Variants in ATG16L1 observed in about 807,000 individuals in gnomAD.
ATG16L1 encodes autophagy-related protein 16-1.
A neutral mutation model predicts 88.5 loss-of-function variants in ATG16L1; 37 were observed. The ratio of observed to expected loss-of-function variants is 0.42; its 90% CI spans 0.32 to 0.55. The LOEUF is 0.55. Ranked by LOEUF, ATG16L1 falls within the 20% of genes least tolerant of loss-of-function variation. The pLI is 0.13. For missense variants in ATG16L1, 554 were observed against 752.8 expected, an observed-to-expected ratio of 0.74 and a Z score of 3.09; for synonymous variants, 301 against 281.0, an observed-to-expected ratio of 1.07 and a Z score of -0.71.
intron 3 of ATG16L1, among the ~76,000 whole-genome samples, chr2:233,263,736 A>G (rs1262149461): frequency 2.6e-5 from 4 of 152,216 alleles, no homozygotes; most frequent in Non-Finnish European, 5.9e-5. Context: ...CCAAAAAGGT[A>G]GCTGAAGTTG....
intron 2 of ATG16L1, 31 bp downstream of exon 2, chr2:233,256,226 T>C (rs1696767129): frequency 6.4e-7 from 1 of 1,564,510 alleles, no homozygotes; most frequent in East Asian, 2.2e-5. Flanking sequence ...ATTATTTATG[T>C]CTCCTCTAAG....
Position 233,263,160 on chromosome 2 carries a change from T to C in ATG16L1, c.240T>C (p.Asn80=). 6.2e-7 allele frequency: 1 copy of C among 1,613,864 alleles called. No individual in the cohort carries two copies. Among genetic ancestry groups the C allele is most frequent in the Non-Finnish European group, 8.5e-7 (1 of 1,179,958 alleles). The change falls in exon 3 of 18, where the codon AAT becomes AAC. Residue 80 remains asparagine, a synonymous_variant. Coordinates refer to ENST00000392017, the MANE Select transcript of ATG16L1 (RefSeq NM_030803.7). ...GACATGATGGCACATGGAATGACAA[T>C]CAGCTACAAGAAATGGCCCAACTGA... ...SPGHDGTWND[N]QLQEMAQLRI...
intron 12 of ATG16L1, among the ~76,000 whole-genome samples, chr2:233,289,520 G>C (rs1699316550): frequency 6.6e-6 from 1 of 151,906 alleles, no homozygotes; most frequent in South Asian, 2.1e-4. Flanking sequence ...CAAGTAGCTG[G>C]GACCCCAGGC....
chr2:233,277,494 A>G (rs1698450545), intron 9 of ATG16L1, 74 bp from the exon 10 acceptor site: 2 of 1,370,878 alleles, frequency 1.5e-6, no homozygotes, highest in South Asian at 2.3e-5. Context: ...TGAATTAGGC[A>G]TTTGGAGTGT....
At chr2:233,288,719 C>G in intron 12 of ATG16L1, 1 of 516,060 alleles carries the variant, frequency 1.9e-6, no homozygotes, top group Non-Finnish European at 3.9e-6. Context: ...CAGATCCCCT[C>G]CCGGCATCCC....
intron 6 of ATG16L1, among the ~76,000 whole-genome samples, chr2:233,270,968 G>A (rs1395063346): frequency 5.3e-5 from 8 of 152,174 alleles, no homozygotes; most frequent in East Asian, 1.9e-4. Flanking sequence ...ACCAACTAAC[G>A]TCTTAATTTA....
At chr2:233,275,563 G>C (rs554412820) in intron 9 of ATG16L1, 14 of 376,478 alleles carry the variant, frequency 3.7e-5, no homozygotes, top group South Asian at 2.8e-4. Flanking sequence ...CAGGTATAAG[G>C]AGGGACTTAG....
At chr2:233,285,627 T>C (rs1192013708) in intron 12 of ATG16L1, among the ~76,000 whole-genome samples, 1 of 152,184 alleles carries the variant, frequency 6.6e-6, no homozygotes, top group Non-Finnish European at 1.5e-5. Flanking sequence ...GTGTGAAGAT[T>C]GGGAGGCCTG....
rs1249766516 is a variant in ATG16L1 at position 233,295,483 on chromosome 2, G to A, written c.*1133G>A. 4 of 152,700 alleles carry A rather than the reference G, an allele frequency of 2.6e-5. No homozygotes were observed. The allele number at this position is 152,700 out of a possible 1,614,324, so 9.5% of individuals were successfully genotyped here. On this transcript the variant is annotated 3_prime_UTR_variant, in exon 18 of 18. Transcript: ENST00000392017. ...GGAGTCAGGTGGCCTTCCCACCGATGGTCCTGGCCTCCACCTGCCCTCTCT... is the reference window on the plus strand; with the variant it reads ...GGAGTCAGGTGGCCTTCCCACCGATAGTCCTGGCCTCCACCTGCCCTCTCT...
chr2:233,257,539 T>A (rs185916843), intron 2 of ATG16L1, among the ~76,000 whole-genome samples: 3 of 152,352 alleles, frequency 2.0e-5, no homozygotes, highest in African/African-American at 7.2e-5. Context: ...CCTATGATAC[T>A]CAGTAGGTGA....
intron 1 of ATG16L1, among the ~76,000 whole-genome samples, chr2:233,255,163 G>A (rs1696688785): frequency 6.6e-6 from 1 of 151,954 alleles, no homozygotes; most frequent in African/African-American, 2.4e-5. Context: ...TAGTAGTTTC[G>A]CCGTGTTGGC....
intron 7 of ATG16L1, 23 bp downstream of exon 7, chr2:233,273,075 G>C: frequency 6.3e-7 from 1 of 1,598,282 alleles, no homozygotes; most frequent in Non-Finnish European, 8.6e-7. Context: ...GTTTGGGCCA[G>C]GGAAAAGACA....
chr2:233,293,725 T>C (rs1203559770), intron 17 of ATG16L1, among the ~76,000 whole-genome samples: 1 of 152,176 alleles, frequency 6.6e-6, no homozygotes, highest in Non-Finnish European at 1.5e-5. Context: ...TTTCAGTGCA[T>C]TGACGTGTCC....
intron 2 of ATG16L1, among the ~76,000 whole-genome samples, chr2:233,260,105 G>A (rs1403666062): frequency 6.6e-6 from 1 of 152,120 alleles, no homozygotes; most frequent in Admixed American, 6.6e-5. Flanking sequence ...CCTCCTTCCT[G>A]TCTCTCCAAA....
intron 1 of ATG16L1, among the ~76,000 whole-genome samples, chr2:233,255,423 C>G (rs1696710366): frequency 6.6e-6 from 1 of 152,226 alleles, no homozygotes; most frequent in Admixed American, 6.5e-5. Flanking sequence ...ATCCTCCGCC[C>G]AGTTGCTTGA....
chr2:233,259,930 T>C, intron 2 of ATG16L1, among the ~76,000 whole-genome samples: 1 of 152,198 alleles, frequency 6.6e-6, no homozygotes, highest in Non-Finnish European at 1.5e-5. Flanking sequence ...AAAAGACTCC[T>C]GTGACCGTAG....
chr2:233,272,585 G>A (rs1181625679), intron 6 of ATG16L1, among the ~76,000 whole-genome samples: 2 of 152,282 alleles, frequency 1.3e-5, no homozygotes, highest in Non-Finnish European at 2.9e-5. Flanking sequence ...AACTGTGCTT[G>A]GTGAGTACTG....
intron 12 of ATG16L1, among the ~76,000 whole-genome samples, chr2:233,283,979 G>A (rs1330307541): frequency 6.6e-6 from 1 of 151,456 alleles, no homozygotes; most frequent in Non-Finnish European, 1.5e-5. Flanking sequence ...CGAGTAGCTG[G>A]GATTACAGGC....
Position 233,294,794 on chromosome 2 carries a change from G to T in ATG16L1, c.*444G>T, listed in dbSNP as rs1389163290. The T allele has an allele frequency of 6.5e-6, 1 of 153,942 alleles. No individual in the cohort carries two copies. The highest frequency in any genetic ancestry group is 1.9e-4 in the East Asian group (1 of 5,370). The allele number at this position is 153,942 out of a possible 1,614,324, so 9.5% of individuals were successfully genotyped here. A position where few individuals can be genotyped will look rare whatever the true frequency, so the allele number is the denominator to read the frequency against. ...AACACCTTGGGTTCATTTGCCCGGTGAACTCACTTTAAGCATTGGATTAAC... is the reference window on the plus strand; with the variant it reads ...AACACCTTGGGTTCATTTGCCCGGTTAACTCACTTTAAGCATTGGATTAAC... On this transcript the variant is annotated 3_prime_UTR_variant, in exon 18 of 18. Coordinates refer to ENST00000392017, the MANE Select transcript of ATG16L1 (RefSeq NM_030803.7).
Sources: gnomAD v4.1 joint callset for allele counts (sites outside exome capture counted in the v4.1 genomes callset) on GRCh38, gnomAD v4.1.1 for gene constraint, MANE v1.5 for transcripts, NCBI Gene and HGNC (gene_info 2026-07-23, HGNC 2026-07-21) for gene names.